ADORA1: variants seen among roughly 807,000 people sequenced by gnomAD.
The protein encoded by ADORA1 is adenosine receptor A1.
Under a neutral mutation model 19.9 loss-of-function variants are expected in ADORA1, and 6 were observed. The observed-to-expected ratio is 0.30, with a 90% CI of 0.17 to 0.59. The LOEUF (loss-of-function observed/expected upper bound fraction) is 0.59. ADORA1 is among the 20% of genes least tolerant of loss of function. The pLI is 0.87. For synonymous variants in ADORA1, 194 were observed against 188.4 expected (o/e 1.03, Z -0.24); for missense variants, 302 against 439.2 (o/e 0.69, Z 2.79).
chr1:203,128,259 C>A lies in ADORA1; in HGVS notation c.-212-19C>A. The stretch of plus-strand genomic sequence containing the variant: ...CGTCCGGGGCTGAGTCTCTGCCGTA[C>A]CATGTGATTGCTTGAAAGGCCGGGC... On this transcript the variant is annotated intron_variant, in intron 1 of 3. Coordinates refer to ENST00000337894, the MANE Select transcript of ADORA1 (RefSeq NM_000674.3). The surrounding 1 kb of genome is among the most constrained non-coding windows in gnomAD (Gnocchi z 5.9). 1 of 1,197,146 alleles carries A rather than the reference C, an allele frequency of 8.4e-7. No homozygotes were observed. The highest frequency in any genetic ancestry group is 1.1e-6 in the Non-Finnish European group (1 of 913,194). The allele number at this position is 1,197,146 out of a possible 1,614,324, so 74.2% of individuals were successfully genotyped here. A position where few individuals can be genotyped will look rare whatever the true frequency, so the allele number is the denominator to read the frequency against.
chr1:203,141,573 T>C lies in ADORA1; in HGVS notation c.341+12391T>C, dbSNP rs572743780. ...TTGAAAAAAGCTCCTCTAACCTGGA[T>C]TTTTTTTTTTTTTTTTTTTTTTTTT... On this transcript the variant is annotated intron_variant, in intron 3 of 3. Transcript: ENST00000337894. 5.6e-3 allele frequency among the ~76,000 whole-genome samples: 50 copies of C among 8,858 alleles called. 1 individual carries two copies. The highest frequency in any genetic ancestry group is 0.013 in the Non-Finnish European group (31 of 2,414). 5.8% of individuals were successfully genotyped at this position (8,858 alleles called of 152,430 possible).
chr1:203,150,793 C>T (rs1323442809), intron 3 of ADORA1: 2 of 1,288,862 alleles, frequency 1.6e-6, no homozygotes, highest in African/African-American at 3.0e-5. Context: ...TGAGCTCTTC[C>T]TGTCTTCTCT....
intron 3 of ADORA1, among the ~76,000 whole-genome samples, chr1:203,151,992 G>A (rs1014442467): frequency 1.3e-5 from 2 of 152,140 alleles, no homozygotes; most frequent in Non-Finnish European, 2.9e-5. Flanking sequence ...AAGGAGTTCC[G>A]TGTTCAGTGC....
chr1:203,146,378 C>G (rs902429387), intron 3 of ADORA1, among the ~76,000 whole-genome samples: 2 of 152,062 alleles, frequency 1.3e-5, no homozygotes, highest in African/African-American at 4.8e-5. Flanking sequence ...CCTGTAATCC[C>G]AATACTTTCG....
intron 3 of ADORA1, chr1:203,150,744 T>TGGG: frequency 7.8e-7 from 1 of 1,289,730 alleles, no homozygotes; most frequent in South Asian, 1.2e-5. Context: ...GAGCTGAGTG[T>TGGG]GGGGGTGGAC....
At chr1:203,161,595 G>T (rs1275449561) in intron 3 of ADORA1, among the ~76,000 whole-genome samples, 3 of 148,810 alleles carry the variant, frequency 2.0e-5, no homozygotes, top group Non-Finnish European at 4.4e-5. Context: ...TTTTGAGACA[G>T]ATTTTCGCTC....
chr1:203,152,910 T>G (rs1655083323), intron 3 of ADORA1, among the ~76,000 whole-genome samples: 1 of 152,074 alleles, frequency 6.6e-6, no homozygotes, highest in Admixed American at 6.6e-5. Context: ...GGAAAAACAT[T>G]CCATAGGATA....
chr1:203,165,132 C>A lies in ADORA1; in HGVS notation c.342-129C>A. The A allele has an allele frequency of 6.4e-7, 1 of 1,559,188 alleles. No individual in the cohort carries two copies. The highest frequency in any genetic ancestry group is 8.7e-7 in the Non-Finnish European group (1 of 1,151,666). On this transcript the variant is annotated intron_variant, in intron 3 of 3. Transcript: ENST00000337894. This position sits in a 1 kb window ranked among gnomAD's most constrained non-coding sequence, Gnocchi z 5.9. ...GCCCTCGAGCAAAAGACATGCACCT[C>A]CCCACTCACCGGGCCCTGGAAGAGG...
chr1:203,137,909 A>C (rs1275859949), intron 3 of ADORA1, among the ~76,000 whole-genome samples: 2 of 152,234 alleles, frequency 1.3e-5, no homozygotes, highest in East Asian at 3.9e-4. Flanking sequence ...AGCAGTTTGC[A>C]CCCTTTTATG....
In ADORA1 at chr1:203,128,701, A is replaced by G. The variant is rs532422766; in HGVS notation, c.-57-84A>G. The G allele has an allele frequency of 2.1e-4, 304 of 1,446,956 alleles. No individual in the cohort carries two copies. The African/African-American group carries it at 3.3e-3, about 16-fold the overall frequency. 89.6% of individuals were successfully genotyped at this position (1,446,956 alleles called of 1,614,324 possible). On this transcript the variant is annotated intron_variant, in intron 2 of 3. Transcript: ENST00000337894. This position sits in a 1 kb window ranked among gnomAD's most constrained non-coding sequence, Gnocchi z 5.9. The stretch of plus-strand genomic sequence containing the variant: ...GCATGTGACAAGTGGGACACATCAC[A>G]GGGTACCTGGAGTTCCAGGGCAGCC...
At chr1:203,141,205 T>C (rs2102744125) in intron 3 of ADORA1, among the ~76,000 whole-genome samples, 1 of 124,924 alleles carries the variant, frequency 8.0e-6, no homozygotes, top group East Asian at 1.9e-4. Context: ...CCAGTCATCC[T>C]GGCCTGCTCG....
intron 3 of ADORA1, among the ~76,000 whole-genome samples, chr1:203,157,588 G>GA (rs1178611756): frequency 6.6e-6 from 1 of 152,200 alleles, no homozygotes; most frequent in Non-Finnish European, 1.5e-5. Flanking sequence ...CCTGGTGAGG[G>GA]ATCTCTGTGG....
intron 3 of ADORA1, among the ~76,000 whole-genome samples, chr1:203,154,709 T>C (rs4423076): frequency 0.79 from 119,941 of 152,108 alleles, 48,536 homozygotes; most frequent in Non-Finnish European, 0.88. Flanking sequence ...CCCATGGACC[T>C]GGATAGCCCC....
intron 3 of ADORA1, among the ~76,000 whole-genome samples, chr1:203,160,000 G>T (rs1249249799): frequency 2.0e-5 from 3 of 152,210 alleles, no homozygotes; most frequent in Admixed American, 2.0e-4. Flanking sequence ...GGAGAGGCTT[G>T]CCTTCTGGGC....
intron 3 of ADORA1, among the ~76,000 whole-genome samples, chr1:203,164,803 G>A (rs1655483651): frequency 2.0e-5 from 3 of 152,206 alleles, no homozygotes; most frequent in African/African-American, 7.2e-5. Flanking sequence ...CACCTTCCAT[G>A]TGGCCTTGGG....
chr1:203,155,431 C>T (rs1410098909), intron 3 of ADORA1, among the ~76,000 whole-genome samples: 3 of 152,176 alleles, frequency 2.0e-5, no homozygotes, highest in Non-Finnish European at 4.4e-5. Context: ...GGAGTGCCCT[C>T]TAAGGGTGTA....
intron 3 of ADORA1, among the ~76,000 whole-genome samples, chr1:203,146,543 C>T (rs1279298008): frequency 1.3e-5 from 2 of 151,060 alleles, no homozygotes; most frequent in Non-Finnish European, 2.9e-5. Context: ...GCAGGAGGAT[C>T]GCCTGAGCCT....
intron 3 of ADORA1, chr1:203,150,587 G>A (rs1558133714): frequency 1.9e-5 from 24 of 1,278,186 alleles, no homozygotes; most frequent in Non-Finnish European, 2.4e-5. Flanking sequence ...TGCAAGGTGG[G>A]GAGAAAGGCC....
intron 3 of ADORA1, among the ~76,000 whole-genome samples, chr1:203,130,873 G>C (rs1654310038): frequency 1.3e-5 from 2 of 152,198 alleles, no homozygotes; most frequent in African/African-American, 2.4e-5. Flanking sequence ...TGGCTTTGGA[G>C]CTGGGGTCCT....
Sources: gnomAD v4.1 joint callset for allele counts (sites outside exome capture counted in the v4.1 genomes callset) on GRCh38, gnomAD v4.1.1 for gene constraint, Gnocchi (gnomAD v3.1) non-coding constraint, MANE v1.5 for transcripts, NCBI Gene and HGNC (gene_info 2026-07-23, HGNC 2026-07-21) for gene names.